TMEM123: variants seen among roughly 807,000 people sequenced by gnomAD.
TMEM123 encodes transmembrane protein 123.
In TMEM123, 16 loss-of-function variants were observed where a neutral mutation model predicts 19.7. The ratio of observed to expected loss-of-function variants is 0.81; its 90% CI spans 0.55 to 1.23. The LOEUF (loss-of-function observed/expected upper bound fraction) is 1.23, where lower values mean the gene tolerates loss of function less well. Among genes scored for constraint, TMEM123 ranks in the 50% most tolerant of loss-of-function variants. The pLI is 0.00. For synonymous variants in TMEM123, 118 were observed against 99.4 expected (o/e 1.19, Z -1.12); for missense variants, 313 against 257.8 (o/e 1.21, Z -1.47).
chr11:102,420,523 C>G (rs1461088218), intron 2 of TMEM123, among the ~76,000 whole-genome samples: 7 of 152,080 alleles, frequency 4.6e-5, no homozygotes. Context: ...TATTGTCATC[C>G]CCATTTTACA....
chr11:102,449,547 C>G (rs1247806106), intron 1 of TMEM123: 1 of 46,306 alleles, frequency 2.2e-5, no homozygotes, highest in Non-Finnish European at 5.5e-5. Flanking sequence ...AACTCTCCCC[C>G]ACTTAAAAAA....
intron 2 of TMEM123, among the ~76,000 whole-genome samples, chr11:102,431,424 C>T (rs879000344): frequency 1.3e-5 from 2 of 152,100 alleles, no homozygotes; most frequent in African/African-American, 4.8e-5. Flanking sequence ...TTTTACTCAG[C>T]GATTTTGGAA....
intron 2 of TMEM123, among the ~76,000 whole-genome samples, chr11:102,446,078 G>A (rs1857880927): frequency 6.6e-6 from 1 of 152,156 alleles, no homozygotes; most frequent in African/African-American, 2.4e-5. Flanking sequence ...TCAAGGAGAC[G>A]GCTGTATCCT....
At chr11:102,431,851 C>T (rs144519153) in intron 2 of TMEM123, among the ~76,000 whole-genome samples, 135 of 152,164 alleles carry the variant, frequency 8.9e-4, no homozygotes, top group Middle Eastern at 3.4e-3. Context: ...ATGCTGTTCC[C>T]ATGATAGTGA....
At chr11:102,421,711 ATATTGTTTAATGTTAGTAATGG>A (rs1245162390) in intron 2 of TMEM123, among the ~76,000 whole-genome samples, 2 of 152,216 alleles carry the variant, frequency 1.3e-5, no homozygotes, top group Non-Finnish European at 2.9e-5. Flanking sequence ...CTAAAAACAC[ATATTGTTTAATGTTAGTAATGG>A]TACCAAACTG....
Position 102,397,262 on chromosome 11 carries a change from C to G in TMEM123, c.*1605G>C, listed in dbSNP as rs932430510. The G allele has an allele frequency of 2.1e-4, 32 of 152,254 alleles. No individual in the cohort carries two copies. Among genetic ancestry groups the G allele is most frequent in the Non-Finnish European group, 4.0e-4 (27 of 68,002 alleles). 9.4% of individuals were successfully genotyped at this position (152,254 alleles called of 1,614,324 possible). A position where few individuals can be genotyped will look rare whatever the true frequency, so the allele number is the denominator to read the frequency against. On this transcript the variant is annotated 3_prime_UTR_variant, in exon 5 of 5. Transcript: ENST00000398136. ...TGATCCATTTCAAAATTCTTAATAT[C>G]TAGCGTTCTCTGTAAAACAAAAGCT...
At chr11:102,400,812 G>A (rs1951906357) in intron 4 of TMEM123, among the ~76,000 whole-genome samples, 1 of 152,174 alleles carries the variant, frequency 6.6e-6, no homozygotes, top group Non-Finnish European at 1.5e-5. Flanking sequence ...CAAGCCTCCG[G>A]AAGTGTGAGA....
chr11:102,414,245 G>C (rs1952026818), intron 2 of TMEM123, among the ~76,000 whole-genome samples: 1 of 152,284 alleles, frequency 6.6e-6, no homozygotes, highest in Admixed American at 6.5e-5. Flanking sequence ...CTGAAAGAGA[G>C]GGAGAGAAAA....
At chr11:102,450,042 G>A (rs1476173438) in intron 1 of TMEM123, among the ~76,000 whole-genome samples, 2 of 152,010 alleles carry the variant, frequency 1.3e-5, no homozygotes, top group Non-Finnish European at 2.9e-5. Context: ...AAAACCAAGA[G>A]GTCATCCTTT....
At position 102,398,344 on chromosome 11, in the gene TMEM123, A is replaced by C. The variant is rs960073872; in HGVS notation, c.*523T>G. ...TAGACCAACTACTACAGTTTAAAGC[A>C]CAAAAAATGTTGATGTTTTTCTTAA... On this transcript the variant is annotated 3_prime_UTR_variant, in exon 5 of 5. Transcript: ENST00000398136. 7.2e-5 allele frequency: 27 copies of C among 375,918 alleles called. No homozygotes were observed. The highest frequency in any genetic ancestry group is 1.2e-4 in the Non-Finnish European group (26 of 212,722). 23.3% of individuals were successfully genotyped at this position (375,918 alleles called of 1,614,324 possible).
At chr11:102,425,454 T>A (rs2135854333) in intron 2 of TMEM123, among the ~76,000 whole-genome samples, 1 of 152,296 alleles carries the variant, frequency 6.6e-6, no homozygotes, top group South Asian at 2.1e-4. Flanking sequence ...ACTGTTCATG[T>A]TGTGTCCTCC....
At chr11:102,400,528 G>C (rs1017510299) in intron 4 of TMEM123, among the ~76,000 whole-genome samples, 1 of 152,198 alleles carries the variant, frequency 6.6e-6, no homozygotes, top group Non-Finnish European at 1.5e-5. Flanking sequence ...ACAGTCATCT[G>C]TTCTATGGTA....
chr11:102,430,213 A>C (rs1205075565), intron 2 of TMEM123, among the ~76,000 whole-genome samples: 1 of 152,248 alleles, frequency 6.6e-6, no homozygotes, highest in Non-Finnish European at 1.5e-5. Flanking sequence ...GTTTTGACCA[A>C]GGGGCTCCAT....
chr11:102,398,712 G>T lies in TMEM123; in HGVS notation c.*155C>A. On this transcript the variant is annotated 3_prime_UTR_variant, in exon 5 of 5. Transcript: ENST00000398136. ...AAACCCAAACCCTTGTTACCTTGAA[G>T]AATCTTTACATATTTACGTAATACA... The T allele has an allele frequency of 1.4e-6, 1 of 722,598 alleles. No individual in the cohort carries two copies. The highest frequency in any genetic ancestry group is 2.2e-6 in the Non-Finnish European group (1 of 450,388). The allele number at this position is 722,598 out of a possible 1,614,324, so 44.8% of individuals were successfully genotyped here.
At chr11:102,443,703 A>G (rs1255393918) in intron 2 of TMEM123, among the ~76,000 whole-genome samples, 4 of 152,218 alleles carry the variant, frequency 2.6e-5, no homozygotes, top group South Asian at 2.1e-4. Flanking sequence ...AATGGGATCT[A>G]ATTAAACTGA....
At chr11:102,403,715 T>C (rs1591553376) in intron 2 of TMEM123, among the ~76,000 whole-genome samples, 1 of 152,014 alleles carries the variant, frequency 6.6e-6, no homozygotes, top group Non-Finnish European at 1.5e-5. Flanking sequence ...CTAGTGGGAG[T>C]TGTCTGGATC....
chr11:102,423,214 T>C (rs981577619), intron 2 of TMEM123, among the ~76,000 whole-genome samples: 20 of 152,182 alleles, frequency 1.3e-4, no homozygotes, highest in African/African-American at 4.8e-4. Context: ...ATACATACTG[T>C]GGTGGTTTTA....
intron 2 of TMEM123, among the ~76,000 whole-genome samples, chr11:102,416,526 T>C (rs974596063): frequency 6.6e-6 from 1 of 151,858 alleles, no homozygotes; most frequent in Non-Finnish European, 1.5e-5. Flanking sequence ...TAAAAAAAAA[T>C]CTACCAATCA....
At chr11:102,402,288 C>T in intron 2 of TMEM123, 82 bp from the exon 3 acceptor site, 1 of 1,418,756 alleles carries the variant, frequency 7.0e-7, no homozygotes, top group Non-Finnish European at 9.6e-7. Context: ...TTCATGGTCA[C>T]AGACAAAGCA....
Sources: allele counts gnomAD v4.1 joint callset (sites outside exome capture counted in the v4.1 genomes callset), GRCh38; gene constraint gnomAD v4.1.1; transcripts MANE v1.5; gene names NCBI Gene and HGNC (gene_info 2026-07-23, HGNC 2026-07-21).